The following ST6GAL2 variants were observed in gnomAD, a reference collection of about 807,000 sequenced individuals.
ST6GAL2 encodes beta-galactoside alpha-2,6-sialyltransferase 2.
In ST6GAL2, 24 loss-of-function variants were observed where a neutral mutation model predicts 37.5. The ratio of observed to expected loss-of-function variants is 0.64; its 90% confidence interval spans 0.46 to 0.90. The LOEUF (loss-of-function observed/expected upper bound fraction) is 0.90. Ranked by LOEUF, ST6GAL2 falls within the 40% of genes least tolerant of loss-of-function variation. The pLI, the probability that ST6GAL2 is intolerant of heterozygous loss-of-function variation, is 0.00. For synonymous variants in ST6GAL2, 306 were observed against 295.1 expected, an observed-to-expected ratio of 1.04 and a Z score of -0.38; for missense variants, 715 against 712.7, an observed-to-expected ratio of 1.00 and a Z score of -0.04.
At chr2:106,842,292 T>C (rs1041810271) in intron 2 of ST6GAL2, among the ~76,000 whole-genome samples, 15 of 152,164 alleles carry the variant, frequency 9.9e-5, no homozygotes, top group Non-Finnish European at 1.9e-4. Context: ...CTGGGAAACA[T>C]GTGCTCCAGG....
At chr2:106,867,594 G>A (rs985784487) in intron 1 of ST6GAL2, among the ~76,000 whole-genome samples, 2 of 152,124 alleles carry the variant, frequency 1.3e-5, no homozygotes, top group African/African-American at 2.4e-5. Flanking sequence ...CAACTTCAAA[G>A]TCCTTCTGCT....
chr2:106,859,860 A>G (rs1677728163), intron 1 of ST6GAL2, among the ~76,000 whole-genome samples: 1 of 151,340 alleles, frequency 6.6e-6, no homozygotes, highest in Non-Finnish European at 1.5e-5. Flanking sequence ...ACCCTCCATT[A>G]TTCTTCCTTA....
intron 2 of ST6GAL2, among the ~76,000 whole-genome samples, chr2:106,835,239 T>C (rs1248079995): frequency 6.6e-6 from 1 of 152,192 alleles, no homozygotes; most frequent in Admixed American, 6.5e-5. Context: ...AGTGCCTGTC[T>C]GTGAGGGAGA....
rs928722382 is a variant in ST6GAL2 at position 106,843,625 on chromosome 2, C to T, written c.353G>A (p.Arg118Lys). ...CGGGTAGAAAGCACTTTGAGATTTTCTCCCCACCTGGGATGAAAAAAACTC... is the reference window on the plus strand; with the variant it reads ...CGGGTAGAAAGCACTTTGAGATTTTTTCCCCACCTGGGATGAAAAAAACTC... ...HKEFFSSQVG[R>K]KSQSAFYPED... is the part of the protein sequence containing the mutation. Residue 118 changes from arginine (R) to lysine (K), a missense_variant, in exon 2 of 6, where the codon AGA becomes AAA. By Grantham distance (26) the Arg-to-Lys change is conservative. Transcript: ENST00000409382. 1 of 1,613,838 alleles carries T rather than the reference C, an allele frequency of 6.2e-7. No homozygotes were observed. Among genetic ancestry groups the T allele is most frequent in the African/African-American group, 1.3e-5 (1 of 74,946 alleles).
At position 106,838,162 on chromosome 2, in the gene ST6GAL2, T is replaced by A. The variant is rs189143415; in HGVS notation, c.944-4016A>T. ...AAAAAGGAATAGGTCAGACAGCAAA[T>A]ACAAGGGGAAGAAAGTCAAGTTCCA... is the stretch of plus-strand genomic sequence containing the variant. On this transcript the variant is annotated intron_variant, in intron 2 of 5. Transcript: ENST00000409382. Among the ~76,000 whole-genome samples, 3 of 152,264 alleles carry A rather than the reference T, an allele frequency of 2.0e-5. No individual in the cohort carries two copies. The East Asian group carries it at 5.8e-4, about 29-fold the overall frequency.
At chr2:106,811,968 C>T (rs1675626510) in intron 5 of ST6GAL2, among the ~76,000 whole-genome samples, 1 of 152,110 alleles carries the variant, frequency 6.6e-6, no homozygotes, top group South Asian at 2.1e-4. Context: ...GGCACAGGGA[C>T]TGAATTCCCC....
intron 1 of ST6GAL2, among the ~76,000 whole-genome samples, chr2:106,862,029 G>A (rs372036767): frequency 2.0e-5 from 3 of 152,104 alleles, no homozygotes; most frequent in Non-Finnish European, 4.4e-5. Flanking sequence ...TAATTTCCAC[G>A]CTGATTAAAT....
chr2:106,812,575 A>G (rs982162234), intron 5 of ST6GAL2, among the ~76,000 whole-genome samples: 17 of 152,198 alleles, frequency 1.1e-4, no homozygotes, highest in Non-Finnish European at 1.9e-4. Context: ...AACCTTCCCA[A>G]AAAATCCAAG....
intron 5 of ST6GAL2, among the ~76,000 whole-genome samples, chr2:106,816,041 A>G (rs1398166422): frequency 6.6e-6 from 1 of 152,232 alleles, no homozygotes; most frequent in Non-Finnish European, 1.5e-5. Flanking sequence ...GGAAGGGTAT[A>G]CACTAAAATA....
At chr2:106,839,074 C>G (rs888994372) in intron 2 of ST6GAL2, among the ~76,000 whole-genome samples, 1 of 151,986 alleles carries the variant, frequency 6.6e-6, no homozygotes, top group Non-Finnish European at 1.5e-5. Context: ...AAAACAAGAG[C>G]ATTTTGAACA....
intron 5 of ST6GAL2, among the ~76,000 whole-genome samples, chr2:106,815,998 A>G (rs1166944820): frequency 1.3e-5 from 2 of 152,212 alleles, no homozygotes; most frequent in East Asian, 3.8e-4. Context: ...TGTTCATTAC[A>G]ACAACGTTAA....
At chr2:106,878,491 G>A (rs968159491) in intron 1 of ST6GAL2, among the ~76,000 whole-genome samples, 4 of 151,960 alleles carry the variant, frequency 2.6e-5, no homozygotes, top group African/African-American at 9.7e-5. Flanking sequence ...GCTGAGCGTG[G>A]TGGCATGTGC....
At chr2:106,833,471 C>T (rs1449653688) in intron 3 of ST6GAL2, among the ~76,000 whole-genome samples, 1 of 152,202 alleles carries the variant, frequency 6.6e-6, no homozygotes. Flanking sequence ...ATAAATCACT[C>T]ATCACCTCAC....
chr2:106,824,540 G>A (rs1229611534), intron 5 of ST6GAL2, among the ~76,000 whole-genome samples: 1 of 152,124 alleles, frequency 6.6e-6, no homozygotes, highest in South Asian at 2.1e-4. Flanking sequence ...ACTGAGGCAG[G>A]AGAATTGCTT....
At position 106,843,309 on chromosome 2, in the gene ST6GAL2, C is replaced by T. The variant is rs367740240; in HGVS notation, c.669G>A (p.Lys223=). 4.3e-5 allele frequency: 70 copies of T among 1,613,656 alleles called. No individual in the cohort carries two copies. The highest frequency in any genetic ancestry group is 5.8e-5 in the Non-Finnish European group (68 of 1,179,906). ...TGGCGGTCAGGTAATCCTTCATCGC[C>T]TTCTGCAGGCGCGGGTTCAGCATTT... ...SSKMLNPRLQ[K]AMKDYLTANK... Residue 223 remains lysine, a synonymous_variant, in exon 2 of 6, where the codon AAG becomes AAA. Transcript: ENST00000409382.
In ST6GAL2 at chr2:106,843,116, G is replaced by A; in HGVS notation, c.862C>T (p.Leu288=). 6.4e-7 allele frequency: 1 copy of A among 1,564,728 alleles called. No individual in the cohort carries two copies. The highest frequency in any genetic ancestry group is 8.6e-7 in the Non-Finnish European group (1 of 1,159,906). Residue 288 remains leucine, a synonymous_variant, in exon 2 of 6, where the codon CTG becomes TTG. Coordinates refer to ENST00000409382, the MANE Select transcript of ST6GAL2 (RefSeq NM_001142351.2). ...CAGCTGCGCAGGCCGCGGGGGTGCA[G>A]CTGGCTCAGGGGCACGGCGGGCACC... ...RLVPAVPLSQ[L]HPRGLRSCAV... is the part of the protein sequence containing the mutation.
intron 1 of ST6GAL2, among the ~76,000 whole-genome samples, chr2:106,852,917 CCTCGT>C (rs1363602433): frequency 1.3e-5 from 2 of 152,144 alleles, no homozygotes; most frequent in Non-Finnish European, 2.9e-5. Context: ...TGTCTCGATT[CCTCGT>C]CTCAGTTTAA....
At chr2:106,873,117 A>G (rs1272424457) in intron 1 of ST6GAL2, among the ~76,000 whole-genome samples, 1 of 152,180 alleles carries the variant, frequency 6.6e-6, no homozygotes, top group African/African-American at 2.4e-5. Flanking sequence ...AATGACCCCA[A>G]ATGCTCACTA....
At chr2:106,829,806 C>G (rs550643379) in intron 5 of ST6GAL2, among the ~76,000 whole-genome samples, 2 of 151,974 alleles carry the variant, frequency 1.3e-5, no homozygotes, top group Admixed American at 1.3e-4. Flanking sequence ...AAATCCAAAA[C>G]TTTTTGTGTG....
Sources: gnomAD v4.1 joint callset for allele counts (sites outside exome capture counted in the v4.1 genomes callset) on GRCh38, gnomAD v4.1.1 for gene constraint, MANE v1.5 for transcripts, NCBI Gene and HGNC (gene_info 2026-07-23, HGNC 2026-07-21) for gene names.